MYO9B: variants seen among roughly 807,000 people sequenced by gnomAD.
MYO9B encodes the protein myosin IXB.
A neutral mutation model predicts 229.5 loss-of-function variants in MYO9B; 71 were observed. The observed-to-expected ratio is 0.31, with a 90% CI of 0.26 to 0.38. MYO9B has a LOEUF of 0.38. MYO9B is among the 10% of genes least tolerant of loss of function. The pLI, the probability that MYO9B is intolerant of heterozygous loss-of-function variation, is 1.00. For synonymous variants in MYO9B, 1,185 were observed against 1,235.8 expected (o/e 0.96, Z 0.86); for missense variants, 2,255 against 2,920.5 (o/e 0.77, Z 5.25).
intron 2 of MYO9B, among the ~76,000 whole-genome samples, chr19:17,116,465 G>A (rs1274106730): frequency 6.6e-6 from 1 of 152,160 alleles, no homozygotes; most frequent in Non-Finnish European, 1.5e-5. Context: ...TTAAGCCAGA[G>A]GGCCACCTCT....
At chr19:17,152,953 T>C (rs763301707) in intron 4 of MYO9B, among the ~76,000 whole-genome samples, 1 of 152,166 alleles carries the variant, frequency 6.6e-6, no homozygotes, top group Non-Finnish European at 1.5e-5. Flanking sequence ...CCCCAGTATG[T>C]GCTCAGATGT....
intron 18 of MYO9B, among the ~76,000 whole-genome samples, chr19:17,186,885 G>A (rs1206662585): frequency 1.3e-5 from 2 of 151,878 alleles, no homozygotes; most frequent in Admixed American, 6.6e-5. Flanking sequence ...TGCCCACCAC[G>A]CCAAGCTAAT....
At chr19:17,176,488 C>G (rs1192816056) in intron 14 of MYO9B, among the ~76,000 whole-genome samples, 2 of 152,154 alleles carry the variant, frequency 1.3e-5, no homozygotes, top group African/African-American at 4.8e-5. Context: ...AAACCCAGGT[C>G]GAGGTTGCTC....
chr19:17,144,969 C>CAAAAAA lies in MYO9B; in HGVS notation c.841-411_841-406dup, dbSNP rs58527501. ...AAGGCAACAGAGCGAGACTTCATCTCAAAAAAAAAAAAAAAAAAAAAAGAA... is the reference window on the plus strand; with the variant it reads ...AAGGCAACAGAGCGAGACTTCATCTCAAAAAAAAAAAAAAAAAAAAAAAAAAAAGAA... On this transcript the variant is annotated intron_variant, in intron 2 of 39. Transcript: ENST00000682292. Among the ~76,000 whole-genome samples the CAAAAAA allele has an allele frequency of 2.5e-3, 205 of 81,022 alleles. 1 individual carries two copies. Among genetic ancestry groups the CAAAAAA allele is most frequent in the Non-Finnish European group, 4.1e-3 (139 of 33,930 alleles). 53.2% of individuals were successfully genotyped at this position (81,022 alleles called of 152,430 possible).
chr19:17,182,727 C>T (rs2072875134), intron 15 of MYO9B, among the ~76,000 whole-genome samples: 1 of 152,022 alleles, frequency 6.6e-6, no homozygotes, highest in Admixed American at 6.6e-5. Flanking sequence ...TGAATGCAAC[C>T]ACGGATGGCT....
intron 1 of MYO9B, among the ~76,000 whole-genome samples, chr19:17,083,121 C>T (rs1245316728): frequency 6.4e-5 from 9 of 139,966 alleles, no homozygotes; most frequent in Middle Eastern, 3.9e-3. Flanking sequence ...GGCTTGACAA[C>T]CTCCCTGGGC....
Position 17,090,118 on chromosome 19 carries a change from CTTTTTTTTTTTTTTTTTTTTTTTT to C in MYO9B, c.-58-11522_-58-11499del, listed in dbSNP as rs59440394. On this transcript the variant is annotated intron_variant, in intron 1 of 39. Coordinates refer to ENST00000682292, the MANE Select transcript of MYO9B (RefSeq NM_004145.4). Reference sequence around the variant, plus strand: ...TATAGCATGAATCGGTGCTTCCTTCCTTTTTTTTTTTTTTTTTTTTTTTTTTTTTTTTTTTTTTTTTTTGAGATA... The same window carrying C: ...TATAGCATGAATCGGTGCTTCCTTCCTTTTTTTTTTTTTTTTTTTGAGATA... Among the ~76,000 whole-genome samples, 276 of 49,246 alleles carry C rather than the reference CTTTTTTTTTTTTTTTTTTTTTTTT, an allele frequency of 5.6e-3. 1 individual carries two copies. The highest frequency in any genetic ancestry group is 0.047 in the Admixed American group (148 of 3,182). 32.3% of individuals were successfully genotyped at this position (49,246 alleles called of 152,430 possible).
Position 17,193,523 on chromosome 19 carries a change from C to G in MYO9B, c.3128+461C>G, listed in dbSNP as rs2073009035. Among the ~76,000 whole-genome samples the G allele has an allele frequency of 6.6e-6, 1 of 152,190 alleles. No homozygotes were observed. Among genetic ancestry groups the G allele is most frequent in the Non-Finnish European group, 1.5e-5 (1 of 68,028 alleles). On this transcript the variant is annotated intron_variant, in intron 21 of 39. Coordinates refer to ENST00000682292, the MANE Select transcript of MYO9B (RefSeq NM_004145.4). The surrounding 1 kb of genome is among the most constrained non-coding windows in gnomAD (Gnocchi z 4.3). The stretch of plus-strand genomic sequence containing the variant: ...CCTGTTCACCTCTCCCCTGCCCACA[C>G]AGACCCAGCTCTGCCACAAGTCAGG...
chr19:17,145,617 C>A, intron 3 of MYO9B, 126 bp downstream of exon 3: 2 of 843,410 alleles, frequency 2.4e-6, no homozygotes, highest in Non-Finnish European at 3.8e-6. Context: ...TATGGGAGAG[C>A]GAGTGTGATT....
chr19:17,181,196 C>A (rs2072856768), intron 15 of MYO9B, among the ~76,000 whole-genome samples, 156 bp downstream of exon 15: 1 of 152,230 alleles, frequency 6.6e-6, no homozygotes, highest in East Asian at 1.9e-4. Flanking sequence ...AAATGCCAAT[C>A]AATAACACCC....
intron 23 of MYO9B, 108 bp from the exon 24 acceptor site, chr19:17,198,076 G>A: frequency 7.0e-7 from 1 of 1,435,882 alleles, no homozygotes; most frequent in Non-Finnish European, 9.3e-7. Context: ...AAAAAAAAAA[G>A]CAGGAAGTGA....
chr19:17,211,978 C>G lies in MYO9B; in HGVS notation c.6142C>G (p.Pro2048Ala). The change falls in exon 40 of 40, where the codon CCG becomes GCG. Residue 2048 changes from proline (P) to alanine (A), a missense_variant. This residue lies in a region of MYO9B where 331 missense variants were observed against 332.5 expected (regional missense o/e 1.00). Transcript: ENST00000682292. ...CGTGGCCGCCCCTCCACGACGAAGG[C>G]CGTCGTCCTTCGTAACGGTCAGAGT... ...PTVAAPPRRR[P>A]SSFVTVRVKT... 1 of 1,557,616 alleles carries G rather than the reference C, an allele frequency of 6.4e-7. No homozygotes were observed. Among genetic ancestry groups the G allele is most frequent in the Non-Finnish European group, 8.7e-7 (1 of 1,148,582 alleles).
chr19:17,185,646 C>T (rs1466612305), intron 17 of MYO9B, among the ~76,000 whole-genome samples: 1 of 152,298 alleles, frequency 6.6e-6, no homozygotes, highest in South Asian at 2.1e-4. Flanking sequence ...TTGTCTGGTC[C>T]TCCCCAGCCC....
intron 2 of MYO9B, among the ~76,000 whole-genome samples, chr19:17,144,686 A>G (rs528936904): frequency 6.6e-6 from 1 of 152,002 alleles, no homozygotes; most frequent in East Asian, 1.9e-4. Context: ...AAAAAATAAG[A>G]GACCAGGGGT....
At chr19:17,122,546 C>T (rs985609400) in intron 2 of MYO9B, among the ~76,000 whole-genome samples, 2 of 152,026 alleles carry the variant, frequency 1.3e-5, no homozygotes, top group Non-Finnish European at 2.9e-5. Flanking sequence ...AGAATCACTC[C>T]CCTCATACCT....
intron 2 of MYO9B, among the ~76,000 whole-genome samples, chr19:17,143,268 A>C (rs1030010865): frequency 6.6e-6 from 1 of 151,930 alleles, no homozygotes; most frequent in Non-Finnish European, 1.5e-5. Flanking sequence ...TGAGCACCAC[A>C]CACAACCTCA....
In MYO9B at chr19:17,102,398, C is replaced by T. The variant is rs774113141; in HGVS notation, c.681C>T (p.Leu227=). The T allele has an allele frequency of 1.9e-6, 3 of 1,613,900 alleles. No homozygotes were observed. Among genetic ancestry groups the T allele is most frequent in the East Asian group, 4.5e-5 (2 of 44,894 alleles). ...CCGACGTGGCCTACTACACCATGCT[C>T]AGGAAGCGCGTGAACCAGTGCATCG... ...ALADVAYYTM[L]RKRVNQCIVI... Residue 227 remains leucine (L), a synonymous_variant, in exon 2 of 40, where the codon CTC becomes CTT. Coordinates refer to ENST00000682292, the MANE Select transcript of MYO9B (RefSeq NM_004145.4).
Position 17,172,647 on chromosome 19 carries a change from CTTA to C in MYO9B, c.1936-111_1936-109del. 1 of 1,481,900 alleles carries C rather than the reference CTTA, an allele frequency of 6.7e-7. No individual in the cohort carries two copies. 91.8% of individuals were successfully genotyped at this position (1,481,900 alleles called of 1,614,324 possible). A position where few individuals can be genotyped will look rare whatever the true frequency, so the allele number is the denominator to read the frequency against. On this transcript the variant is annotated intron_variant, in intron 12 of 39. Coordinates refer to ENST00000682292, the MANE Select transcript of MYO9B (RefSeq NM_004145.4). The surrounding 1 kb of genome is among the most constrained non-coding windows in gnomAD (Gnocchi z 8.2). ...CATAGTTCAAGAACTGCCATTTGCA[CTTA>C]GGATGGGCCCCACCCCACCGTCAGC...
intron 19 of MYO9B, 92 bp downstream of exon 19, chr19:17,188,137 T>C (rs3826690): frequency 0.45 from 542,472 of 1,195,924 alleles, 131,691 homozygotes; most frequent in African/African-American, 0.74. Context: ...GAGTGTAAAC[T>C]CAGCAGGTTG....
Sources: allele counts gnomAD v4.1 joint callset (sites outside exome capture counted in the v4.1 genomes callset), GRCh38; gene constraint gnomAD v4.1.1; regional missense constraint gnomAD v4.1.1; non-coding constraint Gnocchi (gnomAD v3.1); transcripts MANE v1.5; gene names NCBI Gene and HGNC (gene_info 2026-07-23, HGNC 2026-07-21).